Variants in HSD17B4 observed in about 807,000 individuals in gnomAD.
HSD17B4 encodes the protein hydroxysteroid 17-beta dehydrogenase 4.
A neutral mutation model predicts 101.0 loss-of-function variants in HSD17B4; 70 were observed. The ratio of observed to expected loss-of-function variants is 0.69; its 90% CI spans 0.57 to 0.85. HSD17B4 has a LOEUF of 0.85. Ranked by LOEUF, HSD17B4 falls within the 40% of genes least tolerant of loss-of-function variation. HSD17B4 has a pLI of 0.00. For missense variants in HSD17B4, 984 were observed against 892.4 expected, an observed-to-expected ratio of 1.10 and a Z score of -1.31; for synonymous variants, 347 against 297.1, an observed-to-expected ratio of 1.17 and a Z score of -1.73.
At position 119,524,110 on chromosome 5, in the gene HSD17B4, C is replaced by T. The variant is rs547349674; in HGVS notation, c.1504-1106C>T. 2.0e-5 allele frequency among the ~76,000 whole-genome samples: 3 copies of T among 152,072 alleles called. No homozygotes were observed. In the South Asian group the frequency reaches 6.2e-4, roughly 32 times the overall value. Reference sequence around the variant, plus strand: ...GCATCTCATATGGGACCTTGCAAGTCACCAGTATTCAATAATTGTTTATTT... The same window carrying T: ...GCATCTCATATGGGACCTTGCAAGTTACCAGTATTCAATAATTGTTTATTT... On this transcript the variant is annotated intron_variant, in intron 17 of 23. Coordinates refer to ENST00000510025, the MANE Select transcript of HSD17B4 (RefSeq NM_000414.4).
At chr5:119,512,850 C>T (rs1407489331) in intron 16 of HSD17B4, among the ~76,000 whole-genome samples, 1 of 152,160 alleles carries the variant, frequency 6.6e-6, no homozygotes, top group African/African-American at 2.4e-5. Flanking sequence ...AGAGTGACTG[C>T]TGATGGCTAT....
intron 2 of HSD17B4, chr5:119,471,501 C>T (rs1241962780): frequency 2.5e-6 from 1 of 407,880 alleles, no homozygotes; most frequent in Non-Finnish European, 4.3e-6. Context: ...TCAACTCTCA[C>T]CCCAGTTTTA....
chr5:119,455,861 C>T (rs1233619132), intron 1 of HSD17B4, among the ~76,000 whole-genome samples: 2 of 152,056 alleles, frequency 1.3e-5, no homozygotes, highest in Admixed American at 6.6e-5. Flanking sequence ...CACTAGGGAC[C>T]TGAAGTATGG....
intron 2 of HSD17B4, among the ~76,000 whole-genome samples, chr5:119,460,426 C>A (rs186407233): frequency 6.6e-6 from 1 of 152,354 alleles, no homozygotes; most frequent in East Asian, 1.9e-4. Flanking sequence ...GAAATACCCA[C>A]ATCTCCCTTG....
chr5:119,475,458 T>C (rs1249703392), intron 4 of HSD17B4, among the ~76,000 whole-genome samples: 1 of 152,120 alleles, frequency 6.6e-6, no homozygotes, highest in Admixed American at 6.6e-5. Context: ...AGAATTTTGA[T>C]AGAGAGGTGG....
At chr5:119,508,708 G>GCCC (rs1035776419) in intron 15 of HSD17B4, among the ~76,000 whole-genome samples, 3 of 152,170 alleles carry the variant, frequency 2.0e-5, no homozygotes, top group African/African-American at 7.2e-5. Context: ...CCATGATCCT[G>GCCC]CCCTCATGTG....
At chr5:119,500,005 C>T (rs143459400) in intron 13 of HSD17B4, among the ~76,000 whole-genome samples, 75 of 152,166 alleles carry the variant, frequency 4.9e-4, no homozygotes, top group Admixed American at 9.8e-4. Flanking sequence ...GTAGAGTGAG[C>T]AAGGGGGCAA....
At chr5:119,475,685 T>G (rs759838813) in intron 4 of HSD17B4, 21 bp from the exon 5 acceptor site, 1 of 1,575,398 alleles carries the variant, frequency 6.3e-7, no homozygotes, top group Non-Finnish European at 8.7e-7. Context: ...TAGATGTAAC[T>G]TGTATCTTTT....
intron 17 of HSD17B4, among the ~76,000 whole-genome samples, chr5:119,522,284 C>G (rs1753186881): frequency 6.6e-6 from 1 of 152,166 alleles, no homozygotes. Context: ...TTTATGACTG[C>G]ATAGTATTTC....
chr5:119,481,746 C>T (rs1433816761), intron 8 of HSD17B4, among the ~76,000 whole-genome samples: 1 of 152,066 alleles, frequency 6.6e-6, no homozygotes, highest in Non-Finnish European at 1.5e-5. Flanking sequence ...GTAGAGTTGC[C>T]ACAAACCTTC....
At chr5:119,484,748 C>T (rs900148476) in intron 8 of HSD17B4, among the ~76,000 whole-genome samples, 3 of 152,120 alleles carry the variant, frequency 2.0e-5, no homozygotes. Flanking sequence ...TGTAATACTA[C>T]AGCAGTACTT....
At chr5:119,479,534 A>G (rs539196165) in intron 8 of HSD17B4, among the ~76,000 whole-genome samples, 18 of 152,282 alleles carry the variant, frequency 1.2e-4, no homozygotes, top group African/African-American at 3.9e-4. Flanking sequence ...GTACAAATGT[A>G]TGGGTTTTCA....
At chr5:119,493,710 CT>C in intron 10 of HSD17B4, 107 bp from the exon 11 acceptor site, 17 of 1,077,362 alleles carry the variant, frequency 1.6e-5, no homozygotes, top group Non-Finnish European at 1.9e-5. Flanking sequence ...GTTAGAATCC[CT>C]TTTTTTCTGA....
intron 4 of HSD17B4, among the ~76,000 whole-genome samples, chr5:119,475,133 C>T (rs943666658): frequency 1.3e-5 from 2 of 152,028 alleles, no homozygotes; most frequent in Non-Finnish European, 2.9e-5. Context: ...CTCATAAGAA[C>T]CATGTTCACA....
At chr5:119,479,398 CCA>C (rs1175907613) in intron 8 of HSD17B4, among the ~76,000 whole-genome samples, 1 of 152,060 alleles carries the variant, frequency 6.6e-6, no homozygotes, top group African/African-American at 2.4e-5. Flanking sequence ...ACTTTACCTC[CCA>C]CAGTTTCCCC....
intron 2 of HSD17B4, among the ~76,000 whole-genome samples, chr5:119,466,270 TG>T (rs1755801116): frequency 1.3e-5 from 2 of 152,206 alleles, no homozygotes; most frequent in East Asian, 3.8e-4. Flanking sequence ...TTCTTTTTTT[TG>T]TTGTTTTGTC....
chr5:119,493,705 A>C (rs1006536972), intron 10 of HSD17B4, 113 bp from the exon 11 acceptor site: 2 of 962,050 alleles, frequency 2.1e-6, no homozygotes, highest in Non-Finnish European at 3.2e-6. Flanking sequence ...TAGGAGTTAG[A>C]ATCCCTTTTT....
Position 119,493,802 on chromosome 5 carries a change from T to G in HSD17B4, c.740-16T>G, listed in dbSNP as rs35416500. Reference sequence around the variant, plus strand: ...CAACTATGTGCTCAGTATGTTAGTTTTGTTTCTATAACCAGTACGCTGGGA... The same window carrying G: ...CAACTATGTGCTCAGTATGTTAGTTGTGTTTCTATAACCAGTACGCTGGGA... On this transcript the variant is annotated splice_polypyrimidine_tract_variant and intron_variant, in intron 10 of 23. Transcript: ENST00000510025. The G allele has an allele frequency of 1.3e-3, 2,130 of 1,611,166 alleles. 20 individuals are homozygous for G. The African/African-American group carries it at 0.026, about 19-fold the overall frequency.
At chr5:119,459,615 A>T (rs1420839019) in intron 2 of HSD17B4, among the ~76,000 whole-genome samples, 1 of 152,108 alleles carries the variant, frequency 6.6e-6, no homozygotes, top group African/African-American at 2.4e-5. Flanking sequence ...GCCAGTGCTG[A>T]GGGGCTACAT....
Sources: gnomAD v4.1 joint callset for allele counts (sites outside exome capture counted in the v4.1 genomes callset) on GRCh38, gnomAD v4.1.1 for gene constraint, MANE v1.5 for transcripts, NCBI Gene and HGNC (gene_info 2026-07-23, HGNC 2026-07-21) for gene names.